The following MCL1 variants were observed in gnomAD, a reference collection of about 807,000 sequenced individuals.
The protein encoded by MCL1 is MCL1 apoptosis regulator, BCL2 family member, also known as induced myeloid leukemia cell differentiation protein Mcl-1.
Under a neutral mutation model 24.2 loss-of-function variants are expected in MCL1, and 4 were observed. That is an observed-to-expected ratio of 0.17 (90% CI 0.08 to 0.38). The LOEUF is 0.38. Ranked by LOEUF, MCL1 falls within the 10% of genes least tolerant of loss-of-function variation. The pLI is 1.00. For synonymous variants in MCL1, 248 were observed against 214.0 expected (o/e 1.16, Z -1.39); for missense variants, 529 against 480.3 (o/e 1.10, Z -0.95).
At position 150,574,905 on chromosome 1, in the gene MCL1, T is replaced by TA. The variant is rs1379775709; in HGVS notation, c.*2469dup. On this transcript the variant is annotated 3_prime_UTR_variant, in exon 3 of 3. Transcript: ENST00000369026. ...GACCACCTGCCTCCTCCTCCCCCTA[T>TA]AAACCCACCACTCCCCTCCTCCTTT... 2 of 233,044 alleles carry TA rather than the reference T, an allele frequency of 8.6e-6. No homozygotes were observed. Among genetic ancestry groups the TA allele is most frequent in the African/African-American group, 4.4e-5 (2 of 45,300 alleles). The allele number at this position is 233,044 out of a possible 1,614,324, so 14.4% of individuals were successfully genotyped here.
intron 2 of MCL1, 27 bp from the exon 3 acceptor site, chr1:150,577,518 T>G (rs951056876): frequency 3.2e-6 from 5 of 1,543,640 alleles, no homozygotes; most frequent in Non-Finnish European, 3.5e-6. Context: ...AAAAGCACAT[T>G]TTCAAGTATG....
Position 150,579,587 on chromosome 1 carries a change from T to C in MCL1, c.-57A>G. On this transcript the variant is annotated 5_prime_UTR_variant, in exon 1 of 3. Coordinates refer to ENST00000369026, the MANE Select transcript of MCL1 (RefSeq NM_021960.5). ...ACTGGGGAAGACCCCGACTCCTTAC[T>C]GGAAGGAAGCGGAAGTGAGAAGTGG... 1.3e-6 allele frequency: 2 copies of C among 1,529,808 alleles called. No individual in the cohort carries two copies. The highest frequency in any genetic ancestry group is 8.8e-7 in the Non-Finnish European group (1 of 1,131,308). The allele number at this position is 1,529,808 out of a possible 1,614,324, so 94.8% of individuals were successfully genotyped here.
At chr1:150,578,133 C>T (rs745504582) in intron 2 of MCL1, 111 bp downstream of exon 2, 42 of 1,179,484 alleles carry the variant, frequency 3.6e-5, no homozygotes, top group Non-Finnish European at 4.7e-5. Flanking sequence ...TTAGTTAGAG[C>T]CTGCAAACAG....
rs1647828664 is a variant in MCL1, at chr1:150,576,857, TAAG to T, written c.*515_*517del. On this transcript the variant is annotated 3_prime_UTR_variant, in exon 3 of 3. Transcript: ENST00000369026. ...AAAAGTCCTGAACACTTGGACTTTCTAAGAAGTATACTGGGAAAGCTAATTAGA... is the reference window on the plus strand; with the variant it reads ...AAAAGTCCTGAACACTTGGACTTTCTAAGTATACTGGGAAAGCTAATTAGA... 1.3e-5 allele frequency: 3 copies of T among 233,414 alleles called. No individual in the cohort carries two copies. Among genetic ancestry groups the T allele is most frequent in the Non-Finnish European group, 2.5e-5 (3 of 117,920 alleles). 14.5% of individuals were successfully genotyped at this position (233,414 alleles called of 1,614,324 possible).
In MCL1 at chr1:150,575,176, T is replaced by G. The variant is rs1430772641; in HGVS notation, c.*2199A>C. 8.6e-6 allele frequency: 2 copies of G among 233,194 alleles called. No individual in the cohort carries two copies. The highest frequency in any genetic ancestry group is 1.7e-5 in the Non-Finnish European group (2 of 117,838). 14.4% of individuals were successfully genotyped at this position (233,194 alleles called of 1,614,324 possible). A position where few individuals can be genotyped will look rare whatever the true frequency, so the allele number is the denominator to read the frequency against. On this transcript the variant is annotated 3_prime_UTR_variant, in exon 3 of 3. Coordinates refer to ENST00000369026, the MANE Select transcript of MCL1 (RefSeq NM_021960.5). ...TTTAGGTCCTTAGAGATACATGATATAAATAAGCGGCTTATGATCAAGAAC... is the reference window on the plus strand; with the variant it reads ...TTTAGGTCCTTAGAGATACATGATAGAAATAAGCGGCTTATGATCAAGAAC...
Position 150,579,329 on chromosome 1 carries a change from TG to T in MCL1, c.201del (p.Thr68ProfsTer176). 6.8e-7 allele frequency: 1 copy of T among 1,473,100 alleles called. No homozygotes were observed. The highest frequency in any genetic ancestry group is 8.9e-7 in the Non-Finnish European group (1 of 1,119,852). 91.3% of individuals were successfully genotyped at this position (1,473,100 alleles called of 1,614,324 possible). A position where few individuals can be genotyped will look rare whatever the true frequency, so the allele number is the denominator to read the frequency against. On this transcript the variant is annotated frameshift_variant, in exon 1 of 3. Transcript: ENST00000369026. LOFTEE classifies it high-confidence loss of function. Reference protein sequence around the residue: ...IGGSAGASPPSTLTPDSRRVA... With the variant: ...IGGSAGASPPXTLTPDSRRVA... Reference sequence around the variant, plus strand: ...ACCCTCCGGGAGTCTGGCGTGAGGGTGGACGGGGGGCTTGCGCCGGCGCTTC... The same window carrying T: ...ACCCTCCGGGAGTCTGGCGTGAGGGTGACGGGGGGCTTGCGCCGGCGCTTC...
At position 150,577,070 on chromosome 1, in the gene MCL1, A is replaced by G; in HGVS notation, c.*305T>C. 1 of 295,650 alleles carries G rather than the reference A, an allele frequency of 3.4e-6. No individual in the cohort carries two copies. The highest frequency in any genetic ancestry group is 6.8e-5 in the South Asian group (1 of 14,690). The allele number at this position is 295,650 out of a possible 1,614,324, so 18.3% of individuals were successfully genotyped here. ...GGCCACTTTCCTGTTCTCAACAAGG[A>G]AATTAAGTCTTTCCACCCTACCATC... On this transcript the variant is annotated 3_prime_UTR_variant, in exon 3 of 3. Transcript: ENST00000369026.
At position 150,578,941 on chromosome 1, in the gene MCL1, T is replaced by A; in HGVS notation, c.590A>T (p.Lys197Met). The A allele has an allele frequency of 6.2e-7, 1 of 1,613,738 alleles. No homozygotes were observed. Among genetic ancestry groups the A allele is most frequent in the Non-Finnish European group, 8.5e-7 (1 of 1,180,028 alleles). Residue 197 changes from lysine (K) to methionine (M), a missense_variant, in exon 1 of 3, where the codon AAG becomes ATG. Lys to Met is a moderately conservative substitution (Grantham distance 95). Transcript: ENST00000369026. ...REQATGAKDT[K>M]PMGRSGATSR... ...GGTGGCCCCAGACCTGCCCATTGGCTTTGTGTCCTTGGCGCCGGTGGCCTG... is the reference window on the plus strand; with the variant it reads ...GGTGGCCCCAGACCTGCCCATTGGCATTGTGTCCTTGGCGCCGGTGGCCTG...
In MCL1 at chr1:150,577,182, G is replaced by C. The variant is rs1647843783; in HGVS notation, c.*193C>G. 1 of 621,444 alleles carries C rather than the reference G, an allele frequency of 1.6e-6. No homozygotes were observed. The highest frequency in any genetic ancestry group is 1.9e-5 in the African/African-American group (1 of 53,924). The allele number at this position is 621,444 out of a possible 1,614,324, so 38.5% of individuals were successfully genotyped here. ...CTGAACTTTGCTTCTTTCAGACAGT[G>C]ACTCTTCAATCAATGGGGAGCACTC... On this transcript the variant is annotated 3_prime_UTR_variant, in exon 3 of 3. Coordinates refer to ENST00000369026, the MANE Select transcript of MCL1 (RefSeq NM_021960.5).
rs1466359428 is a variant in MCL1 at position 150,575,225 on chromosome 1, C to T, written c.*2150G>A. ...ACGATAAATACATAGGTAAAAATAG[C>T]TCTAGCAAAGATGACCTTATGGCTC... On this transcript the variant is annotated 3_prime_UTR_variant, in exon 3 of 3. Coordinates refer to ENST00000369026, the MANE Select transcript of MCL1 (RefSeq NM_021960.5). 4 of 233,116 alleles carry T rather than the reference C, an allele frequency of 1.7e-5. No homozygotes were observed. The highest frequency in any genetic ancestry group is 8.8e-5 in the African/African-American group (4 of 45,292). The allele number at this position is 233,116 out of a possible 1,614,324, so 14.4% of individuals were successfully genotyped here. A position where few individuals can be genotyped will look rare whatever the true frequency, so the allele number is the denominator to read the frequency against.
Position 150,578,940 on chromosome 1 carries a change from C to A in MCL1, c.591G>T (p.Lys197Asn), listed in dbSNP as rs749246338. ...REQATGAKDT[K>N]PMGRSGATSR... Reference sequence around the variant, plus strand: ...TGGTGGCCCCAGACCTGCCCATTGGCTTTGTGTCCTTGGCGCCGGTGGCCT... The same window carrying A: ...TGGTGGCCCCAGACCTGCCCATTGGATTTGTGTCCTTGGCGCCGGTGGCCT... The change falls in exon 1 of 3, where the codon AAG (lysine) becomes AAT (asparagine). Residue 197 changes from lysine (K) to asparagine (N), a missense_variant. Coordinates refer to ENST00000369026, the MANE Select transcript of MCL1 (RefSeq NM_021960.5). 1.2e-5 allele frequency: 19 copies of A among 1,613,670 alleles called. No individual in the cohort carries two copies. The highest frequency in any genetic ancestry group is 5.1e-6 in the Non-Finnish European group (6 of 1,180,050).
rs984771424 is a variant in MCL1, at chr1:150,576,239, A to G, written c.*1136T>C. 4 of 232,988 alleles carry G rather than the reference A, an allele frequency of 1.7e-5. No individual in the cohort carries two copies. Among genetic ancestry groups the G allele is most frequent in the Non-Finnish European group, 3.4e-5 (4 of 117,806 alleles). 14.4% of individuals were successfully genotyped at this position (232,988 alleles called of 1,614,324 possible). ...ATTCACTTTAAATTTCACCAGTTAAATTAGGTCAAATGGAAGGAACTCAAA... is the reference window on the plus strand; with the variant it reads ...ATTCACTTTAAATTTCACCAGTTAAGTTAGGTCAAATGGAAGGAACTCAAA... On this transcript the variant is annotated 3_prime_UTR_variant, in exon 3 of 3. Coordinates refer to ENST00000369026, the MANE Select transcript of MCL1 (RefSeq NM_021960.5).
rs1647998490 is a variant in MCL1 at position 150,579,580 on chromosome 1, T to C, written c.-50A>G. ...TGAGAAAACTGGGGAAGACCCCGAC[T>C]CCTTACTGGAAGGAAGCGGAAGTGA... On this transcript the variant is annotated 5_prime_UTR_variant, in exon 1 of 3. Transcript: ENST00000369026. 2 of 1,544,168 alleles carry C rather than the reference T, an allele frequency of 1.3e-6. No individual in the cohort carries two copies. Among genetic ancestry groups the C allele is most frequent in the East Asian group, 2.5e-5 (1 of 40,146 alleles).
Position 150,579,069 on chromosome 1 carries a change from G to A in MCL1, c.462C>T (p.Thr154=), listed in dbSNP as rs1408347873. 1.2e-6 allele frequency: 2 copies of A among 1,613,234 alleles called. No homozygotes were observed. The highest frequency in any genetic ancestry group is 1.7e-6 in the Non-Finnish European group (2 of 1,180,036). The change falls in exon 1 of 3, where the codon ACC becomes ACT. Residue 154 remains threonine (T), a synonymous_variant. Coordinates refer to ENST00000369026, the MANE Select transcript of MCL1 (RefSeq NM_021960.5). ...LELVGESGNN[T]STDGSLPSTP... Reference sequence around the variant, plus strand: ...TCGAGGGTAGTGACCCGTCCGTACTGGTGTTATTACCAGATTCCCCGACCA... The same window carrying A: ...TCGAGGGTAGTGACCCGTCCGTACTAGTGTTATTACCAGATTCCCCGACCA...
Position 150,578,414 on chromosome 1 carries a change from C to G in MCL1, c.766G>C (p.Asp256His). ...ATCCTGCCCCAGTTTGTTACGCCGT[C>G]GCTGAAAACATGGATCATCACTCGA... is the stretch of plus-strand genomic sequence containing the variant. The part of the protein sequence containing the change: ...LSRVMIHVFS[D>H]GVTNWGRIVT... The change falls in exon 2 of 3, where the codon GAC (aspartate) becomes CAC (histidine). Residue 256 changes from aspartate to histidine, a missense_variant. Coordinates refer to ENST00000369026, the MANE Select transcript of MCL1 (RefSeq NM_021960.5). 1 of 1,614,192 alleles carries G rather than the reference C, an allele frequency of 6.2e-7. No homozygotes were observed. Among genetic ancestry groups the G allele is most frequent in the Non-Finnish European group, 8.5e-7 (1 of 1,180,030 alleles).
In MCL1 at chr1:150,576,452, C is replaced by G. The variant is rs1321124819; in HGVS notation, c.*923G>C. ...CAAAATCAGATAAGAAAATTTAAAC[C>G]TGCATAGTTATCAGATTTGTTCCAC... is the stretch of plus-strand genomic sequence containing the variant. On this transcript the variant is annotated 3_prime_UTR_variant, in exon 3 of 3. Transcript: ENST00000369026. 1 of 232,084 alleles carries G rather than the reference C, an allele frequency of 4.3e-6. No individual in the cohort carries two copies. The highest frequency in any genetic ancestry group is 8.5e-6 in the Non-Finnish European group (1 of 117,292). The allele number at this position is 232,084 out of a possible 1,614,324, so 14.4% of individuals were successfully genotyped here.
chr1:150,579,366 C>A lies in MCL1; in HGVS notation c.165G>T (p.Ala55=). The A allele has an allele frequency of 6.7e-7, 1 of 1,489,540 alleles. No individual in the cohort carries two copies. The highest frequency in any genetic ancestry group is 8.9e-7 in the Non-Finnish European group (1 of 1,128,456). 92.3% of individuals were successfully genotyped at this position (1,489,540 alleles called of 1,614,324 possible). A position where few individuals can be genotyped will look rare whatever the true frequency, so the allele number is the denominator to read the frequency against. Residue 55 remains alanine (A), a synonymous_variant, in exon 1 of 3, where the codon GCG becomes GCT. Transcript: ENST00000369026. ...RREIGGGEAG[A]VIGGSAGASP... ...TTGCGCCGGCGCTTCCGCCAATCAC[C>A]GCGCCGGCCTCCCCTCCCCCTATCT...
In MCL1 at chr1:150,579,562, A is replaced by C. The variant is rs763130381; in HGVS notation, c.-32T>G. On this transcript the variant is annotated 5_prime_UTR_variant, in exon 1 of 3. Coordinates refer to ENST00000369026, the MANE Select transcript of MCL1 (RefSeq NM_021960.5). ...TCGCCGCCGCCGCCTGGCTGAGAAA[A>C]CTGGGGAAGACCCCGACTCCTTACT... 1.3e-6 allele frequency: 2 copies of C among 1,574,648 alleles called. No homozygotes were observed. The highest frequency in any genetic ancestry group is 2.3e-5 in the South Asian group (2 of 87,840).
chr1:150,578,741 C>G (rs918095234), intron 1 of MCL1, 102 bp downstream of exon 1: 11 of 1,288,974 alleles, frequency 8.5e-6, no homozygotes, highest in Non-Finnish European at 1.2e-5. Flanking sequence ...AGACACGTTT[C>G]AACACTGACT....
Sources: gnomAD v4.1 joint callset for allele counts on GRCh38, gnomAD v4.1.1 for gene constraint, MANE v1.5 for transcripts, NCBI Gene and HGNC (gene_info 2026-07-23, HGNC 2026-07-21) for gene names.